MTRF1: variants seen among roughly 807,000 people sequenced by gnomAD.
MTRF1 encodes peptide chain release factor 1, mitochondrial.
A neutral mutation model predicts 62.9 loss-of-function variants in MTRF1; 51 were observed. That is an observed-to-expected ratio of 0.81 (90% CI 0.65 to 1.02). The LOEUF (loss-of-function observed/expected upper bound fraction) is 1.02, where lower values mean the gene tolerates loss of function less well. Ranked by LOEUF, MTRF1 falls within the 50% of genes least tolerant of loss-of-function variation. The pLI, the probability that MTRF1 is intolerant of heterozygous loss-of-function variation, is 0.00. For missense variants in MTRF1, 446 were observed against 530.0 expected, an observed-to-expected ratio of 0.84 and a Z score of 1.56; for synonymous variants, 158 against 181.9, an observed-to-expected ratio of 0.87 and a Z score of 1.06.
In MTRF1 at chr13:41,223,289, G is replaced by T; in HGVS notation, c.1191C>A (p.Asp397Glu). 1 of 1,613,908 alleles carries T rather than the reference G, an allele frequency of 6.2e-7. No homozygotes were observed. Among genetic ancestry groups the T allele is most frequent in the East Asian group, 2.2e-5 (1 of 44,852 alleles). The change falls in exon 9 of 10, where the codon GAC becomes GAA. Residue 397 changes from aspartate (D) to glutamate (E), a missense_variant. Physicochemically the swap from Asp to Glu is conservative, Grantham distance 45. Transcript: ENST00000379480. ...CACGAACTTCATATGCTATCCTGTG[G>T]TCACTGACTCTATCCTGGGTGAAAT... The part of the protein sequence containing the change: ...TYNFTQDRVS[D>E]HRIAYEVRDI...
At chr13:41,266,943 T>C (rs7992148), upstream of MTRF1, among the ~76,000 whole-genome samples, 104,928 of 146,680 alleles carry the variant, frequency 0.72, 37,557 homozygotes, top group African/African-American at 0.73. Flanking sequence ...TGCAGTGAGC[T>C]GAGATCAGGG....
intron 5 of MTRF1, among the ~76,000 whole-genome samples, chr13:41,251,123 G>GT (rs1335671007): frequency 6.6e-6 from 1 of 152,162 alleles, no homozygotes; most frequent in Non-Finnish European, 1.5e-5. Context: ...GTGTGAAGTT[G>GT]TGCACACAAG....
At chr13:41,263,827 G>A (rs2040734614), upstream of MTRF1, among the ~76,000 whole-genome samples, 1 of 151,868 alleles carries the variant, frequency 6.6e-6, no homozygotes, top group African/African-American at 2.4e-5. Context: ...GGAGGGAGGG[G>A]CCAAGGTGGG....
At chr13:41,292,090 CA>C in the MTRF1 span, among the ~76,000 whole-genome samples, 1 of 151,906 alleles carries the variant, frequency 6.6e-6, no homozygotes, top group African/African-American at 2.4e-5. Flanking sequence ...AAAACAAAAA[CA>C]AAAAACAAAC....
At chr13:41,228,899 G>A (rs1366408698) in intron 7 of MTRF1, among the ~76,000 whole-genome samples, 1 of 152,196 alleles carries the variant, frequency 6.6e-6, no homozygotes, top group Non-Finnish European at 1.5e-5. Context: ...CTAGTCTAAG[G>A]TCTTAGTATG....
chr13:41,260,356 G>T, intron 2 of MTRF1, 137 bp downstream of exon 2: 1 of 898,878 alleles, frequency 1.1e-6, no homozygotes, highest in Non-Finnish European at 1.6e-6. Flanking sequence ...CTGCTTCTGT[G>T]GGAAAAAAAA....
intron 7 of MTRF1, among the ~76,000 whole-genome samples, chr13:41,227,467 T>A (rs7336165): frequency 0.61 from 91,851 of 151,476 alleles, 28,310 homozygotes; most frequent in Admixed American, 0.65. Flanking sequence ...ACATCTAACC[T>A]CACACAAGTT....
At chr13:41,276,297 G>A in the MTRF1 span, among the ~76,000 whole-genome samples, 5 of 151,728 alleles carry the variant, frequency 3.3e-5, no homozygotes, top group Admixed American at 6.6e-5. Context: ...TCAGTCTCCC[G>A]AGTAGCTGGG....
At chr13:41,270,490 A>G in the MTRF1 span, among the ~76,000 whole-genome samples, 1 of 152,192 alleles carries the variant, frequency 6.6e-6, no homozygotes, top group Non-Finnish European at 1.5e-5. Flanking sequence ...AGATTCATGA[A>G]CAGCTTTTTT....
At chr13:41,290,615 G>A in the MTRF1 span, among the ~76,000 whole-genome samples, 4 of 150,242 alleles carry the variant, frequency 2.7e-5, no homozygotes, top group East Asian at 2.0e-4. Flanking sequence ...GGCTGGTCTC[G>A]AACTCCTGAC....
chr13:41,273,637 A>G, the MTRF1 span, among the ~76,000 whole-genome samples: 1 of 152,120 alleles, frequency 6.6e-6, no homozygotes, highest in Admixed American at 6.5e-5. Flanking sequence ...CAGGAGTTTG[A>G]GACCAGCATG....
chr13:41,306,226 C>CA, the MTRF1 span, among the ~76,000 whole-genome samples: 8 of 151,464 alleles, frequency 5.3e-5, no homozygotes, highest in South Asian at 2.1e-4. Flanking sequence ...ACTAAAAATA[C>CA]AAAAAAAATT....
chr13:41,298,047 G>A, the MTRF1 span, among the ~76,000 whole-genome samples: 961 of 152,132 alleles, frequency 6.3e-3, 10 homozygotes, highest in African/African-American at 0.022. Flanking sequence ...GAGAGAAGGA[G>A]CTGTGAATAT....
At chr13:41,243,468 AC>A (rs1370501250) in intron 5 of MTRF1, among the ~76,000 whole-genome samples, 1 of 151,698 alleles carries the variant, frequency 6.6e-6, no homozygotes, top group East Asian at 1.9e-4. Flanking sequence ...CTATAATGCA[AC>A]CTACTGTGTG....
At chr13:41,285,832 A>G in the MTRF1 span, among the ~76,000 whole-genome samples, 1 of 152,006 alleles carries the variant, frequency 6.6e-6, no homozygotes, top group African/African-American at 2.4e-5. Flanking sequence ...TGTAATCCCA[A>G]CCCTGCAGAT....
the MTRF1 span, among the ~76,000 whole-genome samples, chr13:41,302,250 G>A: frequency 2.8e-4 from 43 of 152,060 alleles, no homozygotes; most frequent in East Asian, 5.8e-4. Context: ...GGCTGGTCTC[G>A]AACTCCTGAT....
chr13:41,241,139 G>T lies in MTRF1; in HGVS notation c.698-706C>A, dbSNP rs995740134. On this transcript the variant is annotated intron_variant, in intron 5 of 9. Coordinates refer to ENST00000379480, the MANE Select transcript of MTRF1 (RefSeq NM_004294.4). The stretch of plus-strand genomic sequence containing the variant: ...GGCTCGCTACAACCTCTGCCTCCTG[G>T]GTTCAAGTGATTCTCCTGCCTCGTT... Among the ~76,000 whole-genome samples the T allele has an allele frequency of 5.3e-5, 8 of 152,236 alleles. No individual in the cohort carries two copies. In the South Asian group the frequency reaches 1.7e-3, roughly 32 times the overall value.
the MTRF1 span, among the ~76,000 whole-genome samples, chr13:41,302,804 C>T: frequency 3.9e-5 from 6 of 152,042 alleles, no homozygotes; most frequent in African/African-American, 7.2e-5. Context: ...GGATTACAGG[C>T]GTGAGCCACT....
chr13:41,249,148 C>A (rs893957863), intron 5 of MTRF1, among the ~76,000 whole-genome samples: 12 of 152,076 alleles, frequency 7.9e-5, no homozygotes, highest in African/African-American at 2.9e-4. Context: ...AATTTGTGTG[C>A]ACATATATGT....
Sources: gnomAD v4.1 joint callset for allele counts (sites outside exome capture counted in the v4.1 genomes callset) on GRCh38, gnomAD v4.1.1 for gene constraint, MANE v1.5 for transcripts, NCBI Gene and HGNC (gene_info 2026-07-23, HGNC 2026-07-21) for gene names.